CNR2: variants seen among roughly 807,000 people sequenced by gnomAD.
CNR2 encodes cannabinoid receptor 2, also known as cannabinoid receptor 2 (macrophage).
For missense variants in CNR2, 379 were observed against 439.9 expected, an observed-to-expected ratio of 0.86 and a Z score of 1.24; for synonymous variants, 172 against 182.2, an observed-to-expected ratio of 0.94 and a Z score of 0.45.
At position 23,875,624 on chromosome 1, in the gene CNR2, G is replaced by A. The variant is rs1183540167; in HGVS notation, c.-7C>T. ...TCACCCAGCATTCCTCCATGGGGTGGGCCCTTCAGATTCCACTGAGCTTGT... is the reference window on the plus strand; with the variant it reads ...TCACCCAGCATTCCTCCATGGGGTGAGCCCTTCAGATTCCACTGAGCTTGT... On this transcript the variant is annotated 5_prime_UTR_variant, in exon 2 of 2. Transcript: ENST00000374472. 6.3e-7 allele frequency: 1 copy of A among 1,586,478 alleles called. No individual in the cohort carries two copies. The highest frequency in any genetic ancestry group is 8.6e-7 in the Non-Finnish European group (1 of 1,163,902).
intron 1 of CNR2, among the ~76,000 whole-genome samples, chr1:23,888,508 G>A (rs1471765321): frequency 6.6e-6 from 1 of 152,146 alleles, no homozygotes; most frequent in African/African-American, 2.4e-5. Context: ...GTCTGTGCAT[G>A]TTTTGGTTGG....
intron 1 of CNR2, among the ~76,000 whole-genome samples, chr1:23,895,854 G>A (rs981936358): frequency 4.6e-5 from 7 of 152,080 alleles, no homozygotes; most frequent in African/African-American, 1.4e-4. Flanking sequence ...GAGGCAGGAT[G>A]GAATGCATGA....
At chr1:23,894,583 C>G (rs1570714539) in intron 1 of CNR2, among the ~76,000 whole-genome samples, 1 of 145,740 alleles carries the variant, frequency 6.9e-6, no homozygotes, top group East Asian at 2.0e-4. Flanking sequence ...TGGTGGAGCA[C>G]TTGAGGTCAG....
Position 23,874,777 on chromosome 1 carries a change from A to C in CNR2, c.841T>G (p.Phe281Val). 6.2e-7 allele frequency: 1 copy of C among 1,614,166 alleles called. No homozygotes were observed. The highest frequency in any genetic ancestry group is 8.5e-7 in the Non-Finnish European group (1 of 1,180,022). The change falls in exon 2 of 2, where the codon TTT becomes GTT. Residue 281 changes from phenylalanine to valine, a missense_variant. Coordinates refer to ENST00000374472, the MANE Select transcript of CNR2 (RefSeq NM_001841.3). ...AGGCACAGCATGGAGCAGAAAGCAA[A>C]GGCCTTCTTGACCTGGTCACTGAGC... Reference protein sequence around the residue: ...TTLSDQVKKAFAFCSMLCLIN... With the variant: ...TTLSDQVKKAVAFCSMLCLIN...
At chr1:23,909,889 G>A (rs1640555486) in intron 1 of CNR2, among the ~76,000 whole-genome samples, 1 of 151,770 alleles carries the variant, frequency 6.6e-6, no homozygotes, top group African/African-American at 2.4e-5. Flanking sequence ...GCTTGGTTCT[G>A]GATCCAGATT....
chr1:23,878,890 C>A (rs1245000595), intron 1 of CNR2, among the ~76,000 whole-genome samples: 1 of 152,082 alleles, frequency 6.6e-6, no homozygotes, highest in Non-Finnish European at 1.5e-5. Context: ...GAATTTTATA[C>A]CCAGCTAAAC....
At chr1:23,893,632 G>C (rs1412238648) in intron 1 of CNR2, among the ~76,000 whole-genome samples, 1 of 152,172 alleles carries the variant, frequency 6.6e-6, no homozygotes, top group Non-Finnish European at 1.5e-5. Flanking sequence ...GCACCAGCTG[G>C]ATCTATCCAG....
At chr1:23,898,335 CTTTTTTTTTTT>C (rs557452268) in intron 1 of CNR2, among the ~76,000 whole-genome samples, 1 of 108,226 alleles carries the variant, frequency 9.2e-6, no homozygotes, top group Non-Finnish European at 1.8e-5. Context: ...CCGCGCCCGG[CTTTTTTTTTTT>C]TTTTTTTTTT....
At chr1:23,911,373 G>A (rs2148473147) in intron 1 of CNR2, among the ~76,000 whole-genome samples, 1 of 152,210 alleles carries the variant, frequency 6.6e-6, no homozygotes, top group African/African-American at 2.4e-5. Context: ...TGGACTCCAG[G>A]CATGCCAGGG....
chr1:23,893,592 C>G (rs1470934140), intron 1 of CNR2, among the ~76,000 whole-genome samples: 1 of 152,198 alleles, frequency 6.6e-6, no homozygotes, highest in Non-Finnish European at 1.5e-5. Context: ...TTCGGAATCT[C>G]AGGTGCTCAG....
intron 1 of CNR2, chr1:23,901,388 G>T: frequency 1.7e-6 from 2 of 1,200,588 alleles, no homozygotes; most frequent in Non-Finnish European, 2.3e-6. Flanking sequence ...GTTAAGTGTG[G>T]CCTTTCATGG....
chr1:23,902,779 T>C (rs1640422927), intron 1 of CNR2: 1 of 1,471,532 alleles, frequency 6.8e-7, no homozygotes, highest in East Asian at 2.5e-5. Context: ...TGTTGCCAAG[T>C]GTGGGCTGCG....
In CNR2 at chr1:23,874,536, C is replaced by A; in HGVS notation, c.1082G>T (p.Ter361LeuextTer1). 1 of 1,609,752 alleles carries A rather than the reference C, an allele frequency of 6.2e-7. No homozygotes were observed. Among genetic ancestry groups the A allele is most frequent in the Non-Finnish European group, 8.5e-7 (1 of 1,177,698 alleles). ...DSRDLDLSDC[*>L] ...TGTTTAAATTGGGAAGAGGCCTCAT[C>A]AGCAATCAGAGAGGTCTAGATCTCT... The change falls in exon 2 of 2, where the codon TGA becomes TTA. Residue 361 changes from the stop codon to leucine, a stop_lost. Transcript: ENST00000374472.
At position 23,875,221 on chromosome 1, in the gene CNR2, G is replaced by T. The variant is rs41311993; in HGVS notation, c.397C>A (p.Leu133Ile). 6,984 of 1,614,172 alleles carry T rather than the reference G, an allele frequency of 4.3e-3. 30 individuals are homozygous for T. The highest frequency in any genetic ancestry group is 5.0e-3 in the Middle Eastern group (30 of 6,060). ...SLLLTAIDRY[L>I]CLRYPPSYKA... ...TAGGAAGGTGGATAGCGCAGGCAGA[G>T]GTATCGGTCAATGGCGGTCAGCAGG... is the stretch of plus-strand genomic sequence containing the variant. The change falls in exon 2 of 2, where the codon CTC becomes ATC. Residue 133 changes from leucine to isoleucine, a missense_variant. Physicochemically the swap from Leu to Ile is conservative, Grantham distance 5. Transcript: ENST00000374472.
At chr1:23,897,250 A>C (rs1329522572) in intron 1 of CNR2, among the ~76,000 whole-genome samples, 2 of 152,188 alleles carry the variant, frequency 1.3e-5, no homozygotes, top group African/African-American at 4.8e-5. Context: ...TGGGGCAGAA[A>C]ACAGGGGTGT....
chr1:23,899,871 GAGAGAGAGAGAAAGAA>G (rs1432367211), intron 1 of CNR2, among the ~76,000 whole-genome samples: 5 of 4,332 alleles, frequency 1.2e-3, no homozygotes, highest in Non-Finnish European at 0.021. Context: ...AGGAAGGAAA[GAGAGAGAGAGAAAGAA>G]AGAAAGAGAA....
At chr1:23,894,701 G>A (rs949168354) in intron 1 of CNR2, among the ~76,000 whole-genome samples, 1 of 149,156 alleles carries the variant, frequency 6.7e-6, no homozygotes, top group Non-Finnish European at 1.5e-5. Flanking sequence ...GGGAAGCAGA[G>A]GCTGCAGTGA....
At chr1:23,886,132 T>C (rs1640085105) in intron 1 of CNR2, among the ~76,000 whole-genome samples, 1 of 143,892 alleles carries the variant, frequency 6.9e-6, no homozygotes, top group Non-Finnish European at 1.5e-5. Context: ...GAGATTTCAG[T>C]GAGCCAAGAT....
At chr1:23,891,231 T>C (rs1426893527) in intron 1 of CNR2, among the ~76,000 whole-genome samples, 1 of 151,972 alleles carries the variant, frequency 6.6e-6, no homozygotes, top group Non-Finnish European at 1.5e-5. Context: ...TAAAGTTTTC[T>C]GGGATTTGGG....
Sources: gnomAD v4.1 joint callset for allele counts (sites outside exome capture counted in the v4.1 genomes callset) on GRCh38, gnomAD v4.1.1 for gene constraint, MANE v1.5 for transcripts, NCBI Gene and HGNC (gene_info 2026-07-23, HGNC 2026-07-21) for gene names.